The following KCNIP4 variants were observed in gnomAD, a reference collection of about 807,000 sequenced individuals.
KCNIP4 encodes potassium voltage-gated channel interacting protein 4.
Under a neutral mutation model 34.0 loss-of-function variants are expected in KCNIP4, and 12 were observed. The ratio of observed to expected loss-of-function variants is 0.35; its 90% confidence interval spans 0.23 to 0.57. The LOEUF is 0.57. Ranked by LOEUF, KCNIP4 falls within the 20% of genes least tolerant of loss-of-function variation. The probability of loss-of-function intolerance (pLI) is 0.83; values close to 1 mark genes in which losing one functional copy is unlikely to be tolerated. For synonymous variants in KCNIP4, 124 were observed against 102.2 expected, an observed-to-expected ratio of 1.21 and a Z score of -1.29; for missense variants, 238 against 311.7, an observed-to-expected ratio of 0.76 and a Z score of 1.78.
chr4:21,730,261 A>C (rs1462726126), intron 1 of KCNIP4: 1 of 152,218 alleles, frequency 6.6e-6, no homozygotes, highest in African/African-American at 2.4e-5. Context: ...CAGATCTTAA[A>C]CACAGTAATA....
intron 1 of KCNIP4, among the ~76,000 whole-genome samples, chr4:21,803,745 A>G (rs1420250009): frequency 6.6e-6 from 1 of 152,138 alleles, no homozygotes; most frequent in Non-Finnish European, 1.5e-5. Context: ...GACCCCTGTT[A>G]TACAAACAGG....
At chr4:21,093,637 T>C (rs1747193349) in intron 1 of KCNIP4, among the ~76,000 whole-genome samples, 2 of 152,184 alleles carry the variant, frequency 1.3e-5, no homozygotes, top group Admixed American at 6.5e-5. Flanking sequence ...TTCTTAGAGA[T>C]ACCGAGTTAC....
intron 1 of KCNIP4, among the ~76,000 whole-genome samples, chr4:21,419,075 A>T (rs958527685): frequency 6.3e-4 from 96 of 152,230 alleles, no homozygotes; most frequent in African/African-American, 2.1e-3. Flanking sequence ...TCCATAATGC[A>T]CTATGCATGG....
At chr4:21,667,570 T>A (rs1185315890) in intron 1 of KCNIP4, among the ~76,000 whole-genome samples, 4 of 152,208 alleles carry the variant, frequency 2.6e-5, no homozygotes, top group African/African-American at 9.7e-5. Flanking sequence ...ATTTTTGTAA[T>A]AAAATTTCAA....
chr4:21,689,713 C>T (rs903340515), intron 1 of KCNIP4, among the ~76,000 whole-genome samples: 18 of 152,176 alleles, frequency 1.2e-4, no homozygotes, highest in Middle Eastern at 6.8e-3. Context: ...TGTCAAATGA[C>T]GAAATGCTTT....
At chr4:21,075,542 T>A (rs1051936875) in intron 1 of KCNIP4, among the ~76,000 whole-genome samples, 3 of 152,186 alleles carry the variant, frequency 2.0e-5, no homozygotes, top group African/African-American at 7.2e-5. Flanking sequence ...TCTGTGCATA[T>A]GAGATGGGTC....
intron 1 of KCNIP4, among the ~76,000 whole-genome samples, chr4:21,634,817 A>G (rs948705472): frequency 1.3e-5 from 2 of 152,206 alleles, no homozygotes; most frequent in Non-Finnish European, 2.9e-5. Flanking sequence ...CTCTGAACAG[A>G]ATATTATAAC....
chr4:21,781,812 G>A (rs1719589951), intron 1 of KCNIP4, among the ~76,000 whole-genome samples: 1 of 151,972 alleles, frequency 6.6e-6, no homozygotes, highest in African/African-American at 2.4e-5. Flanking sequence ...ATAAATGGTG[G>A]GGAGTAAATG....
intron 1 of KCNIP4, among the ~76,000 whole-genome samples, chr4:21,094,853 A>T (rs1747326424): frequency 6.6e-6 from 1 of 152,150 alleles, no homozygotes; most frequent in African/African-American, 2.4e-5. Context: ...CAAAGGAAGA[A>T]ATTGAGGCAC....
At chr4:21,231,915 A>C (rs536611194) in intron 1 of KCNIP4, among the ~76,000 whole-genome samples, 1 of 152,296 alleles carries the variant, frequency 6.6e-6, no homozygotes, top group Non-Finnish European at 1.5e-5. Flanking sequence ...CAATGTCAAG[A>C]CATAGATAAG....
intron 1 of KCNIP4, among the ~76,000 whole-genome samples, chr4:21,867,306 G>C (rs926428196): frequency 5.3e-5 from 8 of 152,146 alleles, no homozygotes; most frequent in African/African-American, 1.9e-4. Context: ...TGTAGAAGTA[G>C]AAATGAGTCT....
At chr4:21,232,065 G>C (rs1006105539) in intron 1 of KCNIP4, among the ~76,000 whole-genome samples, 3 of 152,026 alleles carry the variant, frequency 2.0e-5, no homozygotes, top group South Asian at 4.2e-4. Context: ...TTTGACAGGC[G>C]GCCTTGATTC....
intron 1 of KCNIP4, among the ~76,000 whole-genome samples, chr4:21,877,394 A>G (rs1459746026): frequency 3.3e-5 from 5 of 152,090 alleles, no homozygotes; most frequent in Non-Finnish European, 5.9e-5. Context: ...CCAAACACTG[A>G]GTTACCATTG....
chr4:21,470,361 C>G (rs1730355745), intron 1 of KCNIP4, among the ~76,000 whole-genome samples: 2 of 152,066 alleles, frequency 1.3e-5, no homozygotes, highest in African/African-American at 2.4e-5. Flanking sequence ...AAGCAAGAGG[C>G]AGGGAAGAAA....
At chr4:21,280,006 T>A (rs1001687265) in intron 1 of KCNIP4, among the ~76,000 whole-genome samples, 1 of 152,208 alleles carries the variant, frequency 6.6e-6, no homozygotes, top group Admixed American at 6.5e-5. Flanking sequence ...ACATTCCTCT[T>A]TATTATGAAA....
intron 1 of KCNIP4, among the ~76,000 whole-genome samples, chr4:21,029,907 C>T (rs556366636): frequency 4.1e-4 from 62 of 152,236 alleles, no homozygotes; most frequent in African/African-American, 1.3e-3. Context: ...TACAAAAAAC[C>T]TTAGTCTCAA....
At chr4:21,867,058 A>G (rs761099102) in intron 1 of KCNIP4, among the ~76,000 whole-genome samples, 11 of 152,176 alleles carry the variant, frequency 7.2e-5, no homozygotes, top group Non-Finnish European at 5.9e-5. Context: ...GGCGTGAGCC[A>G]CCACGCCCGG....
chr4:21,288,486 A>G (rs1465337942), intron 1 of KCNIP4, among the ~76,000 whole-genome samples: 1 of 152,232 alleles, frequency 6.6e-6, no homozygotes, highest in African/African-American at 2.4e-5. Context: ...GAAAAAGAAT[A>G]AGAACAAATG....
intron 1 of KCNIP4, among the ~76,000 whole-genome samples, chr4:20,926,093 C>T (rs1297936637): frequency 1.3e-5 from 2 of 152,176 alleles, no homozygotes; most frequent in Non-Finnish European, 2.9e-5. Context: ...TTTTTATACA[C>T]AGCAAATTAC....
Sources: gnomAD v4.1 joint callset for allele counts (sites outside exome capture counted in the v4.1 genomes callset) on GRCh38, gnomAD v4.1.1 for gene constraint, MANE v1.5 for transcripts, NCBI Gene and HGNC (gene_info 2026-07-23, HGNC 2026-07-21) for gene names.